HS3ST4: variants seen among roughly 807,000 people sequenced by gnomAD.
HS3ST4 encodes the protein heparan sulfate-glucosamine 3-sulfotransferase 4.
A neutral mutation model predicts 29.2 loss-of-function variants in HS3ST4; 17 were observed. The observed-to-expected ratio is 0.58, with a 90% CI of 0.40 to 0.87. The LOEUF is 0.87. Among genes scored for constraint, HS3ST4 ranks in the 40% least tolerant of loss-of-function variants. The probability of loss-of-function intolerance (pLI) is 0.00; values close to 1 mark genes in which losing one functional copy is unlikely to be tolerated. For missense variants in HS3ST4, 627 were observed against 634.5 expected, an observed-to-expected ratio of 0.99 and a Z score of 0.13; for synonymous variants, 314 against 285.7, an observed-to-expected ratio of 1.10 and a Z score of -1.00.
At chr16:26,135,028 T>C (rs972525951) in intron 1 of HS3ST4, among the ~76,000 whole-genome samples, 2 of 152,170 alleles carry the variant, frequency 1.3e-5, no homozygotes, top group East Asian at 1.9e-4. Flanking sequence ...GGTTTTTTTT[T>C]CAACAACAAT....
chr16:26,026,084 T>C (rs1453271645), intron 1 of HS3ST4, among the ~76,000 whole-genome samples: 2 of 152,174 alleles, frequency 1.3e-5, no homozygotes, highest in African/African-American at 4.8e-5. Flanking sequence ...AATTTTTGTA[T>C]TTTTAGTACA....
At chr16:25,855,300 A>G (rs902523653) in intron 1 of HS3ST4, among the ~76,000 whole-genome samples, 1 of 152,176 alleles carries the variant, frequency 6.6e-6, no homozygotes, top group African/African-American at 2.4e-5. Flanking sequence ...TTCAGAGAGA[A>G]TAGGTGGTAA....
chr16:25,835,886 G>T (rs1000456429), intron 1 of HS3ST4, among the ~76,000 whole-genome samples: 1 of 152,256 alleles, frequency 6.6e-6, no homozygotes, highest in African/African-American at 2.4e-5. Context: ...AGAAATTGAC[G>T]CTGGCTCACT....
intron 1 of HS3ST4, among the ~76,000 whole-genome samples, chr16:25,937,021 T>G (rs1968523119): frequency 6.6e-6 from 1 of 152,178 alleles, no homozygotes; most frequent in African/African-American, 2.4e-5. Context: ...TGGATAAGAT[T>G]GGTTCAGAGC....
intron 1 of HS3ST4, among the ~76,000 whole-genome samples, chr16:25,868,531 A>G (rs1967718251): frequency 6.6e-6 from 1 of 152,158 alleles, no homozygotes; most frequent in African/African-American, 2.4e-5. Context: ...AAGAAATGCA[A>G]CCACTGTTTA....
intron 1 of HS3ST4, among the ~76,000 whole-genome samples, chr16:25,882,210 A>G (rs974865787): frequency 6.6e-6 from 1 of 152,224 alleles, no homozygotes; most frequent in Admixed American, 6.5e-5. Flanking sequence ...CCTGAAGTGA[A>G]TACACCTTTG....
intron 1 of HS3ST4, among the ~76,000 whole-genome samples, chr16:25,912,217 G>A (rs988223980): frequency 6.6e-6 from 1 of 152,130 alleles, no homozygotes; most frequent in African/African-American, 2.4e-5. Flanking sequence ...CTTGGGTCTG[G>A]AATCTACCAA....
intron 1 of HS3ST4, among the ~76,000 whole-genome samples, chr16:25,941,131 C>T (rs1968567263): frequency 6.6e-6 from 1 of 152,096 alleles, no homozygotes. Flanking sequence ...ACTCACAACC[C>T]AATACCCTGT....
chr16:26,062,603 T>G (rs1432222440), intron 1 of HS3ST4: 1 of 137,466 alleles, frequency 7.3e-6, no homozygotes, highest in African/African-American at 2.7e-5. Context: ...CATGGACTAT[T>G]GGTATAGTTT....
intron 1 of HS3ST4, among the ~76,000 whole-genome samples, chr16:25,709,514 CG>C (rs1484609767): frequency 1.3e-5 from 2 of 152,110 alleles, no homozygotes; most frequent in African/African-American, 4.8e-5. Context: ...AATCTTTCCC[CG>C]AAGTACAACC....
intron 1 of HS3ST4, among the ~76,000 whole-genome samples, chr16:25,920,754 A>G (rs150476155): frequency 0.03 from 4,485 of 151,660 alleles, 248 homozygotes; most frequent in African/African-American, 0.1. Flanking sequence ...GGCATGCACC[A>G]GCATGCCTGG....
chr16:25,947,870 T>G (rs1008383793), intron 1 of HS3ST4, among the ~76,000 whole-genome samples: 3 of 152,122 alleles, frequency 2.0e-5, no homozygotes, highest in Admixed American at 1.3e-4. Flanking sequence ...TGTGCAAGTG[T>G]GGGCAAATAA....
At chr16:26,035,252 G>C (rs1969571840) in intron 1 of HS3ST4, among the ~76,000 whole-genome samples, 1 of 152,160 alleles carries the variant, frequency 6.6e-6, no homozygotes, top group African/African-American at 2.4e-5. Flanking sequence ...GTCATTATTT[G>C]CTTGGTCTCC....
intron 1 of HS3ST4, among the ~76,000 whole-genome samples, chr16:25,941,923 G>A (rs1203257037): frequency 6.6e-6 from 1 of 152,102 alleles, no homozygotes; most frequent in Non-Finnish European, 1.5e-5. Context: ...ATTCTGTGTG[G>A]GCAGGATCTT....
At chr16:26,064,936 GT>G (rs1368017101) in intron 1 of HS3ST4, among the ~76,000 whole-genome samples, 1 of 152,132 alleles carries the variant, frequency 6.6e-6, no homozygotes, top group Non-Finnish European at 1.5e-5. Flanking sequence ...TCTTAATTAT[GT>G]GGCTGTTCAT....
At chr16:26,052,855 G>GT (rs1398320676) in intron 1 of HS3ST4, among the ~76,000 whole-genome samples, 1 of 152,184 alleles carries the variant, frequency 6.6e-6, no homozygotes, top group Non-Finnish European at 1.5e-5. Flanking sequence ...TTGCTCTCAT[G>GT]TGGGGACCTT....
intron 1 of HS3ST4, among the ~76,000 whole-genome samples, chr16:26,004,363 T>C (rs1271302057): frequency 1.3e-5 from 2 of 152,192 alleles, no homozygotes; most frequent in African/African-American, 4.8e-5. Flanking sequence ...TAAATGAACC[T>C]ATTTTTAAGT....
intron 1 of HS3ST4, among the ~76,000 whole-genome samples, chr16:25,967,699 A>G (rs1445693074): frequency 3.3e-5 from 5 of 152,094 alleles, no homozygotes; most frequent in African/African-American, 9.7e-5. Flanking sequence ...TCTGAGAATC[A>G]CCTCCTGGAC....
At chr16:25,916,127 A>G (rs965513361) in intron 1 of HS3ST4, among the ~76,000 whole-genome samples, 9 of 152,208 alleles carry the variant, frequency 5.9e-5, no homozygotes. Context: ...GGCCAGAGGT[A>G]CAGAGATATT....
Sources: gnomAD v4.1 joint callset for allele counts (sites outside exome capture counted in the v4.1 genomes callset) on GRCh38, gnomAD v4.1.1 for gene constraint, MANE v1.5 for transcripts, NCBI Gene and HGNC (gene_info 2026-07-23, HGNC 2026-07-21) for gene names.